The following RB1CC1 variants were observed in gnomAD, a reference collection of about 807,000 sequenced individuals.
RB1CC1 encodes the protein RB1 inducible coiled-coil 1.
A neutral mutation model predicts 177.5 loss-of-function variants in RB1CC1; 46 were observed. The observed-to-expected ratio is 0.26, with a 90% CI of 0.20 to 0.33. RB1CC1 has a LOEUF of 0.33. Among genes scored for constraint, RB1CC1 ranks in the 10% least tolerant of loss-of-function variants. RB1CC1 has a pLI of 1.00. For missense variants in RB1CC1, 1,703 were observed against 1,816.3 expected (o/e 0.94, Z 1.13); for synonymous variants, 666 against 613.6 (o/e 1.09, Z -1.26).
chr8:52,698,666 GTTGGT>G, intron 1 of RB1CC1, among the ~76,000 whole-genome samples: 1 of 2,602 alleles, frequency 3.8e-4, no homozygotes, highest in South Asian at 0.017. Flanking sequence ...ATATGTAATG[GTTGGT>G]TTTTTTTTTT....
intron 1 of RB1CC1, among the ~76,000 whole-genome samples, chr8:52,698,177 A>G (rs1855621139): frequency 6.6e-6 from 1 of 152,104 alleles, no homozygotes; most frequent in Non-Finnish European, 1.5e-5. Context: ...CCCCGGCTCA[A>G]GCAATCCTCC....
intron 22 of RB1CC1, among the ~76,000 whole-genome samples, chr8:52,627,482 T>A (rs1848478435): frequency 6.6e-6 from 1 of 152,182 alleles, no homozygotes; most frequent in South Asian, 2.1e-4. Flanking sequence ...TTAGGCTAAG[T>A]ACACCAGGAT....
At chr8:52,687,091 T>G (rs769807900) in intron 1 of RB1CC1, 124 bp from the exon 2 acceptor site, 1 of 364,630 alleles carries the variant, frequency 2.7e-6, no homozygotes, top group Non-Finnish European at 5.4e-6. Flanking sequence ...GCCCTTCTAC[T>G]TGCACATTCA....
intron 1 of RB1CC1, among the ~76,000 whole-genome samples, chr8:52,691,709 C>T (rs1186256499): frequency 7.2e-5 from 11 of 152,104 alleles, no homozygotes; most frequent in Admixed American, 7.2e-4. Context: ...TAAATATTTT[C>T]ACTCTCTACA....
At chr8:52,625,879 T>C (rs1010437800) in intron 22 of RB1CC1, among the ~76,000 whole-genome samples, 1 of 152,206 alleles carries the variant, frequency 6.6e-6, no homozygotes. Flanking sequence ...GTGTTTAGGC[T>C]AAAGCCTTTG....
intron 1 of RB1CC1, among the ~76,000 whole-genome samples, chr8:52,698,278 C>T (rs1196653654): frequency 6.6e-6 from 1 of 151,900 alleles, no homozygotes; most frequent in African/African-American, 2.4e-5. Context: ...GGCGTTTCTC[C>T]ATGTTGCCCA....
chr8:52,628,124 T>C lies in RB1CC1; in HGVS notation c.4544A>G (p.His1515Arg). 1 of 1,608,638 alleles carries C rather than the reference T, an allele frequency of 6.2e-7. No individual in the cohort carries two copies. Among genetic ancestry groups the C allele is most frequent in the East Asian group, 2.2e-5 (1 of 44,750 alleles). The stretch of plus-strand genomic sequence containing the variant: ...AACAGTAAATAACACATAATTGTCA[T>C]GGCGTTCGTCTAGGATGATGAGTAC... The part of the protein sequence containing the change: ...DLVLIILDER[H>R]DNYVLFTVSP... Residue 1515 changes from histidine (H) to arginine (R), a missense_variant, in exon 22 of 24, where the codon CAT becomes CGT. By Grantham distance (29) the His-to-Arg change is conservative. Transcript: ENST00000025008.
chr8:52,638,196 G>A (rs1011767233), intron 18 of RB1CC1, among the ~76,000 whole-genome samples: 1 of 152,176 alleles, frequency 6.6e-6, no homozygotes, highest in African/African-American at 2.4e-5. Flanking sequence ...ATGAAAGGCT[G>A]TTGGGTTTTG....
chr8:52,660,572 C>A, intron 12 of RB1CC1, 24 bp downstream of exon 12: 1 of 1,554,518 alleles, frequency 6.4e-7, no homozygotes, highest in South Asian at 1.2e-5. Context: ...GGAATTTAGT[C>A]ATGGTTAGAA....
At chr8:52,664,383 C>T (rs1851882843) in intron 8 of RB1CC1, among the ~76,000 whole-genome samples, 1 of 152,074 alleles carries the variant, frequency 6.6e-6, no homozygotes, top group South Asian at 2.1e-4. Context: ...CATTGGAGAA[C>T]TTAAATAATT....
At chr8:52,653,416 A>T (rs1232415625) in intron 15 of RB1CC1, among the ~76,000 whole-genome samples, 29 of 152,180 alleles carry the variant, frequency 1.9e-4, no homozygotes, top group Non-Finnish European at 4.3e-4. Flanking sequence ...ACCCAGAGAA[A>T]TCTGTGGTAG....
intron 15 of RB1CC1, among the ~76,000 whole-genome samples, chr8:52,647,300 CCTTA>C (rs1850133198): frequency 6.6e-6 from 1 of 152,214 alleles, no homozygotes; most frequent in African/African-American, 2.4e-5. Flanking sequence ...GTCTGAGACT[CCTTA>C]CTTAGTTCCC....
intron 20 of RB1CC1, among the ~76,000 whole-genome samples, chr8:52,634,061 G>A: frequency 6.6e-6 from 1 of 152,170 alleles, no homozygotes; most frequent in Admixed American, 6.5e-5. Context: ...AAGCTGCAGT[G>A]AGCCAAGATC....
chr8:52,677,813 T>C (rs1459801296), intron 5 of RB1CC1, among the ~76,000 whole-genome samples: 4 of 152,244 alleles, frequency 2.6e-5, no homozygotes, highest in Middle Eastern at 3.4e-3. Flanking sequence ...TCTGGAATTA[T>C]GAAATAACAA....
At chr8:52,692,889 A>G (rs1855028252) in intron 1 of RB1CC1, among the ~76,000 whole-genome samples, 2 of 152,218 alleles carry the variant, frequency 1.3e-5, no homozygotes, top group Non-Finnish European at 2.9e-5. Flanking sequence ...AACAGAAAGC[A>G]AAGTCATCAT....
chr8:52,673,348 C>T (rs1161346751), intron 7 of RB1CC1, among the ~76,000 whole-genome samples: 1 of 152,122 alleles, frequency 6.6e-6, no homozygotes, highest in Non-Finnish European at 1.5e-5. Flanking sequence ...AGACCTTAAT[C>T]CAAAATACAA....
At chr8:52,707,540 T>C (rs1042638741) in intron 1 of RB1CC1, among the ~76,000 whole-genome samples, 2 of 150,928 alleles carry the variant, frequency 1.3e-5, no homozygotes, top group African/African-American at 4.9e-5. Flanking sequence ...CAACCCCTCA[T>C]TTTCCAATGA....
In RB1CC1 at chr8:52,623,781, G is replaced by A. The variant is rs1305875023; in HGVS notation, c.*1C>T. The A allele has an allele frequency of 1.3e-6, 2 of 1,586,292 alleles. No homozygotes were observed. Among genetic ancestry groups the A allele is most frequent in the Non-Finnish European group, 8.7e-7 (1 of 1,155,456 alleles). ...TAGAATGTATTAATTTTGTCCATAA[G>A]TTATACTTTCTTATTCCATGATACG... On this transcript the variant is annotated 3_prime_UTR_variant, in exon 24 of 24. Transcript: ENST00000025008.
chr8:52,701,184 G>A (rs1235593316), intron 1 of RB1CC1, among the ~76,000 whole-genome samples: 1 of 151,626 alleles, frequency 6.6e-6, no homozygotes, highest in African/African-American at 2.4e-5. Context: ...GTGCAATGGC[G>A]TGATCTCAGC....
Sources: allele counts gnomAD v4.1 joint callset (sites outside exome capture counted in the v4.1 genomes callset), GRCh38; gene constraint gnomAD v4.1.1; transcripts MANE v1.5; gene names NCBI Gene and HGNC (gene_info 2026-07-23, HGNC 2026-07-21).